SWT1: variants seen among roughly 807,000 people sequenced by gnomAD.
SWT1 encodes SWT1 RNA endoribonuclease homolog, also known as transcriptional protein SWT1.
Under a neutral mutation model 107.3 loss-of-function variants are expected in SWT1, and 33 were observed. That is an observed-to-expected ratio of 0.31 (90% CI 0.23 to 0.41). The LOEUF (loss-of-function observed/expected upper bound fraction) is 0.41. Among genes scored for constraint, SWT1 ranks in the 10% least tolerant of loss-of-function variants. The pLI is 1.00. For synonymous variants in SWT1, 345 were observed against 348.3 expected (o/e 0.99, Z 0.11); for missense variants, 898 against 1,028.9 (o/e 0.87, Z 1.74).
chr1:185,227,439 C>A (rs1252962275), intron 15 of SWT1: 1 of 633,308 alleles, frequency 1.6e-6, no homozygotes, highest in Non-Finnish European at 2.9e-6. Flanking sequence ...AGCCTTCATA[C>A]CATTATTTTG....
At chr1:185,189,810 A>C (rs1449906578) in intron 9 of SWT1, among the ~76,000 whole-genome samples, 1 of 150,348 alleles carries the variant, frequency 6.7e-6, no homozygotes, top group African/African-American at 2.4e-5. Context: ...AATATATATG[A>C]AATACATATA....
chr1:185,214,150 C>G (rs967647955), intron 13 of SWT1, among the ~76,000 whole-genome samples: 2 of 151,988 alleles, frequency 1.3e-5, no homozygotes, highest in South Asian at 4.1e-4. Context: ...CTCCACAGTA[C>G]TCTTATGTGA....
At chr1:185,189,716 A>G (rs1298949566) in intron 9 of SWT1, among the ~76,000 whole-genome samples, 3 of 152,088 alleles carry the variant, frequency 2.0e-5, no homozygotes, top group Admixed American at 1.3e-4. Flanking sequence ...ACTGTATGCT[A>G]TGTAAATTCT....
intron 5 of SWT1, chr1:185,176,598 G>A (rs1157302208): frequency 4.4e-5 from 43 of 983,520 alleles, no homozygotes; most frequent in Non-Finnish European, 5.2e-5. Context: ...TCAGAACTGT[G>A]GAACCTTGGA....
chr1:185,221,909 A>G lies in SWT1; in HGVS notation c.2182A>G (p.Thr728Ala). The G allele has an allele frequency of 6.2e-7, 1 of 1,612,016 alleles. No individual in the cohort carries two copies. Among genetic ancestry groups the G allele is most frequent in the Non-Finnish European group, 8.5e-7 (1 of 1,179,256 alleles). ...CACAGTGACTAAAAAGCAGGAAGGT[A>G]CTTCATTGAAGAATTCTCATAATCA... is the stretch of plus-strand genomic sequence containing the variant. ...ENTVTKKQEG[T>A]SLKNSHNQEI... Residue 728 changes from threonine to alanine, a missense_variant, in exon 15 of 19, where the codon ACT becomes GCT. Physicochemically the swap from Thr to Ala is moderately conservative, Grantham distance 58 (BLOSUM62 0). This residue lies in a region of SWT1 where 382 missense variants were observed against 460.0 expected (regional missense o/e 0.83). Transcript: ENST00000367500.
intron 16 of SWT1, among the ~76,000 whole-genome samples, chr1:185,236,004 C>T (rs1471355857): frequency 6.6e-6 from 1 of 152,114 alleles, no homozygotes; most frequent in Non-Finnish European, 1.5e-5. Flanking sequence ...TTTGAACGAC[C>T]TCTTCAATGA....
chr1:185,227,187 A>G (rs772744140), intron 15 of SWT1: 1 of 909,128 alleles, frequency 1.1e-6, no homozygotes, highest in Non-Finnish European at 1.8e-6. Context: ...AGGGATAGAC[A>G]AGCATCCATC....
chr1:185,238,408 C>T (rs1364201492), intron 16 of SWT1, among the ~76,000 whole-genome samples: 2 of 152,100 alleles, frequency 1.3e-5, no homozygotes, highest in African/African-American at 4.8e-5. Flanking sequence ...GTATTACTAA[C>T]CATCAGCAAT....
At chr1:185,247,758 GA>G (rs1661714511) in intron 16 of SWT1, among the ~76,000 whole-genome samples, 1 of 152,102 alleles carries the variant, frequency 6.6e-6, no homozygotes, top group African/African-American at 2.4e-5. Context: ...AAATATATGA[GA>G]TTTCTGGGTA....
intron 1 of SWT1, among the ~76,000 whole-genome samples, chr1:185,158,584 T>G (rs1232984633): frequency 6.6e-6 from 1 of 152,042 alleles, no homozygotes; most frequent in Non-Finnish European, 1.5e-5. Context: ...AAAGCTAGAT[T>G]CAGTATGTTA....
intron 12 of SWT1, among the ~76,000 whole-genome samples, chr1:185,206,372 G>C (rs911087211): frequency 3.9e-5 from 6 of 152,098 alleles, no homozygotes; most frequent in African/African-American, 1.4e-4. Context: ...TGTTTCCTCT[G>C]ATTAGATGTA....
At chr1:185,288,894 C>T (rs951200873) in intron 18 of SWT1, among the ~76,000 whole-genome samples, 2 of 152,144 alleles carry the variant, frequency 1.3e-5, no homozygotes, top group African/African-American at 4.8e-5. Flanking sequence ...CTGGCTTTGC[C>T]TGAAGTAAAA....
intron 5 of SWT1, among the ~76,000 whole-genome samples, 199 bp downstream of exon 5, chr1:185,175,312 G>A (rs1655451134): frequency 6.6e-6 from 1 of 150,938 alleles, no homozygotes; most frequent in Non-Finnish European, 1.5e-5. Context: ...CTGCAGCCTT[G>A]ACCTCCTGGG....
chr1:185,251,500 C>G (rs910515361), intron 16 of SWT1: 1 of 152,020 alleles, frequency 6.6e-6, no homozygotes, highest in African/African-American at 2.4e-5. Context: ...TAAAAATTTC[C>G]TACTGTAATT....
chr1:185,234,426 A>T (rs1660717688), intron 16 of SWT1, among the ~76,000 whole-genome samples: 1 of 152,076 alleles, frequency 6.6e-6, no homozygotes, highest in Non-Finnish European at 1.5e-5. Flanking sequence ...AGAGACTAGG[A>T]TTGCAACCCC....
chr1:185,255,013 A>G (rs1242288296), intron 16 of SWT1, among the ~76,000 whole-genome samples: 8 of 151,746 alleles, frequency 5.3e-5, no homozygotes, highest in Non-Finnish European at 1.0e-4. Context: ...GAACATCTTT[A>G]TTTCTGCCTT....
chr1:185,205,440 C>T (rs1008585576), intron 12 of SWT1, among the ~76,000 whole-genome samples: 5 of 152,194 alleles, frequency 3.3e-5, no homozygotes, highest in African/African-American at 1.2e-4. Context: ...ATGATCTTGG[C>T]TCACTGCAAC....
chr1:185,177,118 A>G (rs930717302), intron 5 of SWT1: 1 of 825,540 alleles, frequency 1.2e-6, no homozygotes, highest in Non-Finnish European at 1.5e-6. Context: ...AAGGGGCCCA[A>G]AGAGGGCAAG....
At chr1:185,202,516 T>A (rs908706021) in intron 10 of SWT1, 138 bp from the exon 11 acceptor site, 22 of 570,098 alleles carry the variant, frequency 3.9e-5, no homozygotes, top group Admixed American at 1.2e-4. Context: ...CATATTTTTT[T>A]AAAAAAGTTG....
Sources: allele counts gnomAD v4.1 joint callset (sites outside exome capture counted in the v4.1 genomes callset), GRCh38; gene constraint gnomAD v4.1.1; regional missense constraint gnomAD v4.1.1; transcripts MANE v1.5; gene names NCBI Gene and HGNC (gene_info 2026-07-23, HGNC 2026-07-21).